INPP5B: variants seen among roughly 807,000 people sequenced by gnomAD.
INPP5B encodes the protein type II inositol 1,4,5-trisphosphate 5-phosphatase.
A neutral mutation model predicts 118.5 loss-of-function variants in INPP5B; 90 were observed. The observed-to-expected ratio is 0.76, with a 90% CI of 0.64 to 0.90. The LOEUF (loss-of-function observed/expected upper bound fraction) is 0.90, where lower values mean the gene tolerates loss of function less well. INPP5B is among the 40% of genes least tolerant of loss of function. The pLI is 0.00. For synonymous variants in INPP5B, 385 were observed against 418.9 expected (o/e 0.92, Z 0.99); for missense variants, 984 against 1,125.6 (o/e 0.87, Z 1.80).
At chr1:37,927,540 T>C (rs1340161550) in intron 7 of INPP5B, among the ~76,000 whole-genome samples, 1 of 139,904 alleles carries the variant, frequency 7.1e-6, no homozygotes, top group Non-Finnish European at 1.5e-5. Context: ...TTTTTCTTTC[T>C]TTTTTTTTTT....
At chr1:37,933,849 T>C (rs1365454741) in intron 6 of INPP5B, among the ~76,000 whole-genome samples, 2 of 151,220 alleles carry the variant, frequency 1.3e-5, no homozygotes, top group South Asian at 2.1e-4. Flanking sequence ...CCGAGGGCTT[T>C]GGCATCAGAA....
chr1:37,883,188 A>C, intron 13 of INPP5B: 1 of 985,472 alleles, frequency 1.0e-6, no homozygotes, highest in Non-Finnish European at 1.2e-6. Context: ...CAGTCTAATA[A>C]GATCTAAAAG....
intron 13 of INPP5B, among the ~76,000 whole-genome samples, chr1:37,885,273 G>A (rs1643456009): frequency 6.6e-6 from 1 of 152,094 alleles, no homozygotes; most frequent in Admixed American, 6.6e-5. Context: ...AATTAGCCAG[G>A]CATGGTGGCA....
At chr1:37,882,688 G>T in intron 14 of INPP5B, 119 bp downstream of exon 14, 1 of 677,944 alleles carries the variant, frequency 1.5e-6, no homozygotes, top group South Asian at 1.8e-5. Flanking sequence ...ACAACATCAG[G>T]AACTCAGGGA....
chr1:37,867,150 A>G (rs1240045451), intron 20 of INPP5B, among the ~76,000 whole-genome samples: 1 of 152,116 alleles, frequency 6.6e-6, no homozygotes, highest in Non-Finnish European at 1.5e-5. Context: ...GAGAATTGCT[A>G]GAGCCGGGGA....
chr1:37,883,273 C>T (rs1429646617), intron 13 of INPP5B: 10 of 985,280 alleles, frequency 1.0e-5, no homozygotes, highest in Non-Finnish European at 1.2e-5. Flanking sequence ...ACCCAGAGAT[C>T]CCAAATCAGA....
chr1:37,943,453 C>A (rs1318067482), intron 5 of INPP5B, among the ~76,000 whole-genome samples, 187 bp downstream of exon 5: 1 of 151,862 alleles, frequency 6.6e-6, no homozygotes, highest in African/African-American at 2.4e-5. Context: ...TCGGGGGAGA[C>A]GGAAACAGCA....
At chr1:37,932,363 CTTTTT>C (rs58150703) in intron 6 of INPP5B, among the ~76,000 whole-genome samples, 33 of 87,812 alleles carry the variant, frequency 3.8e-4, no homozygotes, top group African/African-American at 1.3e-3. Context: ...CTTTTCTTTT[CTTTTT>C]TTTTTTTTTT....
intron 7 of INPP5B, among the ~76,000 whole-genome samples, chr1:37,909,140 G>A (rs1057488483): frequency 3.3e-5 from 5 of 152,116 alleles, no homozygotes; most frequent in African/African-American, 4.8e-5. Flanking sequence ...ATGGTCTGAG[G>A]TGCCTGACGT....
At chr1:37,882,728 C>T (rs1195665873) in intron 14 of INPP5B, 79 bp downstream of exon 14, 20 of 1,076,252 alleles carry the variant, frequency 1.9e-5, no homozygotes, top group South Asian at 2.7e-5. Flanking sequence ...GAAGAGGCTG[C>T]GAGTTTGGAA....
At chr1:37,932,592 C>T (rs930755027) in intron 6 of INPP5B, among the ~76,000 whole-genome samples, 2 of 152,112 alleles carry the variant, frequency 1.3e-5, no homozygotes, top group Admixed American at 1.3e-4. Context: ...TGGTCTTGAT[C>T]TCCTGACCTC....
chr1:37,943,488 G>A, intron 5 of INPP5B, 152 bp downstream of exon 5: 1 of 723,164 alleles, frequency 1.4e-6, no homozygotes, highest in Non-Finnish European at 2.3e-6. Context: ...GATGGGAGAT[G>A]AGCCCACGGA....
In INPP5B at chr1:37,887,344, C is replaced by A. The variant is rs1015080912; in HGVS notation, c.1014+7G>T. On this transcript the variant is annotated splice_region_variant and intron_variant, in intron 11 of 23. Coordinates refer to ENST00000373024, the MANE Select transcript of INPP5B (RefSeq NM_005540.3). Reference sequence around the variant, plus strand: ...TAAAATTAAGAGGTCCCTGACTCCTCTCTTACCTTTGCATATTTGGCATCT... The same window carrying A: ...TAAAATTAAGAGGTCCCTGACTCCTATCTTACCTTTGCATATTTGGCATCT... The A allele has an allele frequency of 1.3e-6, 2 of 1,541,494 alleles. No individual in the cohort carries two copies.
At chr1:37,917,693 T>C (rs1644921593) in intron 7 of INPP5B, among the ~76,000 whole-genome samples, 1 of 151,848 alleles carries the variant, frequency 6.6e-6, no homozygotes, top group African/African-American at 2.4e-5. Flanking sequence ...ACTTTGGGAG[T>C]TCACGATGGG....
At chr1:37,902,639 C>A (rs541705772) in intron 7 of INPP5B, among the ~76,000 whole-genome samples, 1 of 152,082 alleles carries the variant, frequency 6.6e-6, no homozygotes, top group Non-Finnish European at 1.5e-5. Flanking sequence ...CTCACTGCAA[C>A]CTCCACCTCC....
chr1:37,888,198 C>G (rs1643647310), intron 10 of INPP5B, 45 bp downstream of exon 10: 3 of 1,230,772 alleles, frequency 2.4e-6, no homozygotes, highest in African/African-American at 1.6e-5. Flanking sequence ...AACCACAGCT[C>G]TGTGTGCTTG....
chr1:37,895,712 G>A (rs1386226660), intron 7 of INPP5B, among the ~76,000 whole-genome samples: 11 of 152,274 alleles, frequency 7.2e-5, no homozygotes, highest in South Asian at 2.1e-4. Context: ...ACGGGGATTC[G>A]CTGTGTTGGC....
At chr1:37,933,761 T>A (rs1037122008) in intron 6 of INPP5B, among the ~76,000 whole-genome samples, 21 of 144,894 alleles carry the variant, frequency 1.4e-4, no homozygotes, top group African/African-American at 2.3e-4. Context: ...AAATAAATAA[T>A]AGATAAAATA....
intron 4 of INPP5B, 52 bp from the exon 5 acceptor site, chr1:37,943,721 G>T (rs760912283): frequency 1.2e-6 from 2 of 1,612,508 alleles, no homozygotes; most frequent in Non-Finnish European, 1.7e-6. Context: ...ACTCCCCCTT[G>T]CCCCCCCATC....
Sources: gnomAD v4.1 joint callset for allele counts (sites outside exome capture counted in the v4.1 genomes callset) on GRCh38, gnomAD v4.1.1 for gene constraint, MANE v1.5 for transcripts, NCBI Gene and HGNC (gene_info 2026-07-23, HGNC 2026-07-21) for gene names.